Variants in ADGRL3 observed in about 807,000 individuals in gnomAD.
ADGRL3 encodes the protein adhesion G protein-coupled receptor L3.
ADGRL3 carries 62 observed loss-of-function variants against 153.5 expected under a neutral mutation model. The ratio of observed to expected loss-of-function variants is 0.40; its 90% CI spans 0.33 to 0.50. The LOEUF (loss-of-function observed/expected upper bound fraction) is 0.50. Ranked by LOEUF, ADGRL3 falls within the 20% of genes least tolerant of loss-of-function variation. The pLI is 0.47. For missense variants in ADGRL3, 1,641 were observed against 1,859.4 expected (o/e 0.88, Z 2.16); for synonymous variants, 710 against 672.5 (o/e 1.06, Z -0.86).
intron 26 of ADGRL3, 120 bp downstream of exon 26, chr4:62,068,303 A>G: frequency 1.2e-6 from 1 of 845,348 alleles, no homozygotes; most frequent in Non-Finnish European, 1.8e-6. Flanking sequence ...TAAAAACTAA[A>G]AAGCCTATGA....
chr4:61,966,305 A>G (rs1188343716), intron 17 of ADGRL3, among the ~76,000 whole-genome samples: 1 of 152,176 alleles, frequency 6.6e-6, no homozygotes, highest in Non-Finnish European at 1.5e-5. Context: ...TGTCTATTAT[A>G]TGGTTTTTAT....
chr4:61,620,072 T>A (rs2092389980), intron 5 of ADGRL3, among the ~76,000 whole-genome samples: 1 of 151,452 alleles, frequency 6.6e-6, no homozygotes, highest in African/African-American at 2.4e-5. Flanking sequence ...TATATATATA[T>A]ATATATGAAA....
intron 3 of ADGRL3, among the ~76,000 whole-genome samples, chr4:61,514,938 T>C (rs151027298): frequency 4.9e-4 from 74 of 152,350 alleles, no homozygotes; most frequent in African/African-American, 1.8e-3. Context: ...TTATTCATTT[T>C]TAAATCAATT....
intron 2 of ADGRL3, among the ~76,000 whole-genome samples, chr4:61,468,851 C>G (rs2097913872): frequency 6.6e-6 from 1 of 151,902 alleles, no homozygotes; most frequent in Non-Finnish European, 1.5e-5. Context: ...TATAACCACT[C>G]CCTTCTATTG....
intron 6 of ADGRL3, among the ~76,000 whole-genome samples, chr4:61,720,142 T>C (rs2096211765): frequency 6.7e-6 from 1 of 149,052 alleles, no homozygotes; most frequent in African/African-American, 2.5e-5. Flanking sequence ...CAGGCTGGAG[T>C]GCAGTGGTTC....
At position 61,285,419 on chromosome 4, in the gene ADGRL3, A is replaced by G. The variant is rs4860408; in HGVS notation, c.-240+83654A>G. Among the ~76,000 whole-genome samples, 21 of 151,680 alleles carry G rather than the reference A, an allele frequency of 1.4e-4. No homozygotes were observed. In the East Asian group the frequency reaches 3.9e-3, roughly 28 times the overall value. ...GAAATACATTTTCTAAAATGATTCT[A>G]TTAATATTTTTCCTCGGTTTCTCAA... On this transcript the variant is annotated intron_variant, in intron 1 of 26. Coordinates refer to ENST00000683033, the MANE Select transcript of ADGRL3 (RefSeq NM_001387552.1).
intron 1 of ADGRL3, among the ~76,000 whole-genome samples, chr4:61,331,779 G>T (rs144040308): frequency 6.6e-6 from 1 of 151,976 alleles, no homozygotes. Flanking sequence ...CCTAATAAAG[G>T]TATGAAAATA....
intron 5 of ADGRL3, among the ~76,000 whole-genome samples, chr4:61,628,520 A>C (rs1336871027): frequency 6.6e-6 from 1 of 152,212 alleles, no homozygotes; most frequent in East Asian, 1.9e-4. Context: ...ATTTCATTTA[A>C]CATTTTTCAT....
chr4:61,780,104 A>AAT (rs762516967), intron 8 of ADGRL3, among the ~76,000 whole-genome samples: 27 of 152,266 alleles, frequency 1.8e-4, no homozygotes, highest in African/African-American at 5.5e-4. Context: ...GCTGTGGAGC[A>AAT]ATATATATAT....
intron 16 of ADGRL3, 31 bp downstream of exon 16, chr4:61,947,153 C>A (rs369969966): frequency 2.6e-6 from 4 of 1,521,608 alleles, no homozygotes; most frequent in South Asian, 2.3e-5. Flanking sequence ...CTTGGTTGTT[C>A]ATATTATCTG....
intron 6 of ADGRL3, among the ~76,000 whole-genome samples, chr4:61,695,594 A>C (rs2095627671): frequency 6.6e-6 from 1 of 152,160 alleles, no homozygotes; most frequent in Non-Finnish European, 1.5e-5. Flanking sequence ...GTAAATGGGC[A>C]CTGGATTCAA....
chr4:61,968,240 A>C (rs1026328029), intron 17 of ADGRL3, among the ~76,000 whole-genome samples: 1 of 152,170 alleles, frequency 6.6e-6, no homozygotes, highest in African/African-American at 2.4e-5. Flanking sequence ...TTTTCTGGTG[A>C]CATTTTTTGA....
intron 1 of ADGRL3, among the ~76,000 whole-genome samples, chr4:61,272,256 G>A (rs2093226415): frequency 6.6e-6 from 1 of 151,782 alleles, no homozygotes; most frequent in Non-Finnish European, 1.5e-5. Flanking sequence ...AAAGTTTTAT[G>A]TGTCAGTTTT....
chr4:61,380,574 T>C (rs2096655355), intron 1 of ADGRL3, among the ~76,000 whole-genome samples: 1 of 152,056 alleles, frequency 6.6e-6, no homozygotes, highest in African/African-American at 2.4e-5. Flanking sequence ...ACTTTTAATT[T>C]TTAATTAAAG....
At chr4:61,914,314 G>T (rs548285299) in intron 13 of ADGRL3, among the ~76,000 whole-genome samples, 1 of 152,208 alleles carries the variant, frequency 6.6e-6, no homozygotes, top group Non-Finnish European at 1.5e-5. Context: ...TTCTTTTCCT[G>T]ATCTATAGCT....
chr4:61,763,152 A>G (rs1350222229), intron 8 of ADGRL3, among the ~76,000 whole-genome samples: 2 of 150,706 alleles, frequency 1.3e-5, no homozygotes, highest in Admixed American at 6.6e-5. Context: ...CTTTTTATTC[A>G]TAGTAGTTTC....
intron 8 of ADGRL3, among the ~76,000 whole-genome samples, chr4:61,792,948 G>A (rs1217175203): frequency 2.0e-5 from 3 of 148,900 alleles, no homozygotes; most frequent in Admixed American, 6.7e-5. Flanking sequence ...TCACACTGCT[G>A]ATAAAGACAT....
chr4:61,619,994 A>G (rs1186361100), intron 5 of ADGRL3, among the ~76,000 whole-genome samples: 1 of 152,082 alleles, frequency 6.6e-6, no homozygotes, highest in Non-Finnish European at 1.5e-5. Flanking sequence ...ATTAGTGAGT[A>G]AAATCACGAA....
At chr4:61,692,484 C>G (rs2151151521) in intron 6 of ADGRL3, among the ~76,000 whole-genome samples, 1 of 148,642 alleles carries the variant, frequency 6.7e-6, no homozygotes, top group Admixed American at 6.7e-5. Context: ...GCTTTGTCAC[C>G]TAGGTTGGTG....
Sources: allele counts gnomAD v4.1 joint callset (sites outside exome capture counted in the v4.1 genomes callset), GRCh38; gene constraint gnomAD v4.1.1; transcripts MANE v1.5; gene names NCBI Gene and HGNC (gene_info 2026-07-23, HGNC 2026-07-21).